CCNY: variants seen among roughly 807,000 people sequenced by gnomAD.
CCNY encodes the protein cyclin-Y.
A neutral mutation model predicts 42.8 loss-of-function variants in CCNY; 19 were observed. That is an observed-to-expected ratio of 0.44 (90% confidence interval 0.31 to 0.65). CCNY has a LOEUF of 0.65. Ranked by LOEUF, CCNY falls within the 30% of genes least tolerant of loss-of-function variation. The probability of loss-of-function intolerance (pLI) is 0.07; values close to 1 mark genes in which losing one functional copy is unlikely to be tolerated. For missense variants in CCNY, 370 were observed against 437.3 expected (o/e 0.85, Z 1.37); for synonymous variants, 165 against 162.7 (o/e 1.01, Z -0.11).
At chr10:35,281,214 T>C (rs1014157006) in intron 3 of CCNY, among the ~76,000 whole-genome samples, 3 of 152,180 alleles carry the variant, frequency 2.0e-5, no homozygotes, top group African/African-American at 7.2e-5. Flanking sequence ...ACCCACCAAT[T>C]TCACTCCTAG....
chr10:35,283,882 G>A (rs1410998055), intron 3 of CCNY, among the ~76,000 whole-genome samples: 4 of 152,082 alleles, frequency 2.6e-5, no homozygotes, highest in South Asian at 2.1e-4. Context: ...TCAGGAGTTC[G>A]AGACCAGCCT....
chr10:35,362,940 A>G (rs1285269042), intron 1 of CCNY, among the ~76,000 whole-genome samples: 1 of 150,880 alleles, frequency 6.6e-6, no homozygotes, highest in Admixed American at 6.6e-5. Context: ...CACTTCCCAG[A>G]TGGTCGGTGG....
At chr10:35,426,714 A>C (rs1270883786) in intron 1 of CCNY, among the ~76,000 whole-genome samples, 1 of 152,206 alleles carries the variant, frequency 6.6e-6, no homozygotes, top group African/African-American at 2.4e-5. Flanking sequence ...TATTCCTGAG[A>C]CCCTTTGTCC....
chr10:35,564,249 G>A (rs1841523261), intron 8 of CCNY, among the ~76,000 whole-genome samples: 1 of 152,052 alleles, frequency 6.6e-6, no homozygotes, highest in Non-Finnish European at 1.5e-5. Flanking sequence ...TTTTCACGAG[G>A]CTGTGTGGAA....
chr10:35,489,501 C>T (rs1839856212), intron 2 of CCNY, among the ~76,000 whole-genome samples: 1 of 152,082 alleles, frequency 6.6e-6, no homozygotes, highest in Admixed American at 6.5e-5. Context: ...GGGGTTTCAC[C>T]ATGTTAGCCA....
At chr10:35,501,239 C>A (rs1646634893) in intron 2 of CCNY, among the ~76,000 whole-genome samples, 2 of 152,294 alleles carry the variant, frequency 1.3e-5, no homozygotes, top group South Asian at 4.1e-4. Context: ...TAATGGAAAT[C>A]TGTTACCCCT....
chr10:35,340,979 C>T (rs1836167161), intron 1 of CCNY, among the ~76,000 whole-genome samples: 1 of 152,192 alleles, frequency 6.6e-6, no homozygotes, highest in Non-Finnish European at 1.5e-5. Context: ...GCCATCTCCC[C>T]CAGCCCACCT....
At chr10:35,456,515 T>G (rs1839038387) in intron 1 of CCNY, among the ~76,000 whole-genome samples, 1 of 152,242 alleles carries the variant, frequency 6.6e-6, no homozygotes, top group Admixed American at 6.5e-5. Flanking sequence ...GGGTAGCTTT[T>G]CTGAATGCAA....
chr10:35,263,502 C>T (rs1029070315), intron 3 of CCNY, among the ~76,000 whole-genome samples: 2 of 151,056 alleles, frequency 1.3e-5, no homozygotes, highest in African/African-American at 4.9e-5. Flanking sequence ...GATGGTGTCA[C>T]CGTACTCCAG....
chr10:35,457,228 GA>G (rs1839056404), intron 1 of CCNY, among the ~76,000 whole-genome samples: 1 of 152,180 alleles, frequency 6.6e-6, no homozygotes, highest in African/African-American at 2.4e-5. Context: ...ATGTAGCCGT[GA>G]TTTCAGTGTT....
At chr10:35,489,540 G>A (rs1490236571) in intron 2 of CCNY, among the ~76,000 whole-genome samples, 1 of 152,136 alleles carries the variant, frequency 6.6e-6, no homozygotes, top group Non-Finnish European at 1.5e-5. Flanking sequence ...GACCTCATGA[G>A]CCACTGCACC....
intron 2 of CCNY, among the ~76,000 whole-genome samples, chr10:35,497,072 G>T (rs565875892): frequency 5.3e-4 from 81 of 152,286 alleles, no homozygotes; most frequent in African/African-American, 1.9e-3. Context: ...ATCATAGATT[G>T]TGTCAAAGGA....
At chr10:35,553,301 T>C (rs889187019) in intron 8 of CCNY, 116 bp downstream of exon 8, 19 of 991,918 alleles carry the variant, frequency 1.9e-5, no homozygotes, top group Admixed American at 1.7e-4. Flanking sequence ...TTTGACTGAA[T>C]GTCTGTTGTG....
intron 1 of CCNY, among the ~76,000 whole-genome samples, chr10:35,372,961 G>A (rs1387126927): frequency 6.6e-6 from 1 of 152,216 alleles, no homozygotes; most frequent in East Asian, 1.9e-4. Flanking sequence ...GCCTCCCAAA[G>A]TGCTGGGATT....
At chr10:35,469,196 CTT>C (rs147551295) in intron 1 of CCNY, among the ~76,000 whole-genome samples, 8,025 of 152,324 alleles carry the variant, frequency 0.053, 236 homozygotes, top group South Asian at 0.081. Context: ...TCAGTTCTCT[CTT>C]TGATTCGGGC....
At chr10:35,340,607 C>T (rs1836157925) in intron 1 of CCNY, among the ~76,000 whole-genome samples, 1 of 151,528 alleles carries the variant, frequency 6.6e-6, no homozygotes, top group African/African-American at 2.4e-5. Context: ...CGGGTTCAAG[C>T]AGTTCTCCTG....
At chr10:35,384,211 TA>T (rs1477630447) in intron 1 of CCNY, among the ~76,000 whole-genome samples, 3 of 151,926 alleles carry the variant, frequency 2.0e-5, no homozygotes, top group Non-Finnish European at 2.9e-5. Context: ...TGACGGGGAT[TA>T]AAAAAAACAT....
chr10:35,487,531 G>A (rs1176281318), intron 2 of CCNY, among the ~76,000 whole-genome samples: 1 of 152,102 alleles, frequency 6.6e-6, no homozygotes, highest in Non-Finnish European at 1.5e-5. Flanking sequence ...TCACTAGACT[G>A]ATTTAGATGG....
intron 3 of CCNY, among the ~76,000 whole-genome samples, chr10:35,277,863 C>G (rs532729089): frequency 3.9e-5 from 6 of 152,146 alleles, no homozygotes; most frequent in Non-Finnish European, 8.8e-5. Flanking sequence ...CCCCAATTGG[C>G]CCTTTCCCAT....
Sources: gnomAD v4.1 joint callset for allele counts (sites outside exome capture counted in the v4.1 genomes callset) on GRCh38, gnomAD v4.1.1 for gene constraint, MANE v1.5 for transcripts, NCBI Gene and HGNC (gene_info 2026-07-23, HGNC 2026-07-21) for gene names.